The following PDE3B variants were observed in gnomAD, a reference collection of about 807,000 sequenced individuals.
The protein encoded by PDE3B is cGMP-inhibited 3',5'-cyclic phosphodiesterase 3B.
Under a neutral mutation model 116.8 loss-of-function variants are expected in PDE3B, and 66 were observed. The observed-to-expected ratio is 0.56, with a 90% CI of 0.46 to 0.69. PDE3B has a LOEUF of 0.69. Ranked by LOEUF, PDE3B falls within the 30% of genes least tolerant of loss-of-function variation. PDE3B has a pLI of 0.00. For missense variants in PDE3B, 1,384 were observed against 1,368.1 expected, an observed-to-expected ratio of 1.01 and a Z score of -0.18; for synonymous variants, 595 against 533.6, an observed-to-expected ratio of 1.12 and a Z score of -1.59.
At chr11:14,708,493 C>T (rs767396378) in intron 1 of PDE3B, among the ~76,000 whole-genome samples, 6 of 152,020 alleles carry the variant, frequency 3.9e-5, no homozygotes, top group Non-Finnish European at 8.8e-5. Context: ...ATGGGGACAG[C>T]TTAGAGTCTC....
At chr11:14,883,573 T>C in the PDE3B span, among the ~76,000 whole-genome samples, 2 of 151,846 alleles carry the variant, frequency 1.3e-5, no homozygotes, top group Non-Finnish European at 2.9e-5. Flanking sequence ...CCTAAAACCA[T>C]AAAAACCCTA....
At chr11:14,880,407 A>T in the PDE3B span, 1 of 1,613,436 alleles carries the variant, frequency 6.2e-7, no homozygotes, top group Non-Finnish European at 8.5e-7. Flanking sequence ...ACAGCTGTTG[A>T]TGTTTTCCAA....
At chr11:14,727,163 A>G (rs930856829) in intron 1 of PDE3B, among the ~76,000 whole-genome samples, 3 of 152,182 alleles carry the variant, frequency 2.0e-5, no homozygotes, top group Admixed American at 6.5e-5. Flanking sequence ...ACTCTTCAGT[A>G]AATTAAGCCT....
At position 14,835,005 on chromosome 11, in the gene PDE3B, G is replaced by C. The variant is rs760668695; in HGVS notation, c.2230G>C (p.Asp744His). Reference sequence around the variant, plus strand: ...AGATCACAATCGTATACATGCCACAGATGTGCTACATGCAGTTTGGTATCT... The same window carrying C: ...AGATCACAATCGTATACATGCCACACATGTGCTACATGCAGTTTGGTATCT... ...IPYHNRIHATDVLHAVWYLTT... is the reference protein window; with the variant it reads ...IPYHNRIHATHVLHAVWYLTT... The change falls in exon 11 of 16, where the codon GAT (aspartate) becomes CAT (histidine). Residue 744 changes from aspartate to histidine, a missense_variant. Transcript: ENST00000282096. The C allele has an allele frequency of 6.2e-7, 1 of 1,612,242 alleles. No homozygotes were observed. The highest frequency in any genetic ancestry group is 8.5e-7 in the Non-Finnish European group (1 of 1,178,746).
intron 12 of PDE3B, among the ~76,000 whole-genome samples, chr11:14,845,417 TA>T (rs1391633547): frequency 1.3e-5 from 2 of 152,070 alleles, no homozygotes; most frequent in Non-Finnish European, 2.9e-5. Flanking sequence ...CTGGAAACTC[TA>T]AAAAGCAGAA....
chr11:14,896,631 A>G, the PDE3B span, among the ~76,000 whole-genome samples: 4 of 152,228 alleles, frequency 2.6e-5, no homozygotes, highest in African/African-American at 9.6e-5. Flanking sequence ...TGTAGTCTGC[A>G]CCAAACAACC....
intron 13 of PDE3B, among the ~76,000 whole-genome samples, chr11:14,860,614 C>G (rs1847931200): frequency 6.6e-6 from 1 of 151,980 alleles, no homozygotes; most frequent in Non-Finnish European, 1.5e-5. Flanking sequence ...ACTACTTTTC[C>G]TACTTCATAG....
the PDE3B span, chr11:14,880,883 A>G: frequency 6.3e-6 from 6 of 953,404 alleles, no homozygotes; most frequent in Non-Finnish European, 9.2e-6. Context: ...TTGTCCTCCT[A>G]TATAACTACA....
the PDE3B span, chr11:14,877,839 TC>T: frequency 5.7e-6 from 2 of 350,358 alleles, no homozygotes; most frequent in Non-Finnish European, 1.0e-5. Context: ...AACAAGATGC[TC>T]AGCTTAGGGC....
At chr11:14,686,860 C>T (rs774407677) in intron 1 of PDE3B, among the ~76,000 whole-genome samples, 26 of 151,990 alleles carry the variant, frequency 1.7e-4, no homozygotes, top group Non-Finnish European at 3.5e-4. Flanking sequence ...ACTACAGGCG[C>T]CCGCCACCAT....
intron 1 of PDE3B, among the ~76,000 whole-genome samples, chr11:14,734,665 C>A (rs953322475): frequency 4.6e-5 from 7 of 152,012 alleles, no homozygotes; most frequent in East Asian, 3.8e-4. Context: ...TCATATAATT[C>A]TATTCTTTTA....
chr11:14,658,557 A>G (rs1270091931), intron 1 of PDE3B, among the ~76,000 whole-genome samples: 1 of 152,162 alleles, frequency 6.6e-6, no homozygotes, highest in Non-Finnish European at 1.5e-5. Flanking sequence ...GGGTTTTGCC[A>G]TGTTGGCCAG....
chr11:14,675,070 T>G (rs1282208802), intron 1 of PDE3B, among the ~76,000 whole-genome samples: 1 of 152,232 alleles, frequency 6.6e-6, no homozygotes, highest in Non-Finnish European at 1.5e-5. Flanking sequence ...CTTATTGCTT[T>G]TAATGTATAT....
chr11:14,826,140 A>G (rs1344924224), intron 7 of PDE3B, among the ~76,000 whole-genome samples: 1 of 152,210 alleles, frequency 6.6e-6, no homozygotes, highest in Non-Finnish European at 1.5e-5. Flanking sequence ...GGAAATTTAT[A>G]GCACTAAGCA....
intron 2 of PDE3B, among the ~76,000 whole-genome samples, chr11:14,784,002 C>T (rs1195556495): frequency 6.6e-6 from 1 of 152,174 alleles, no homozygotes; most frequent in African/African-American, 2.4e-5. Context: ...ATTAGATTCT[C>T]ATAGGAGCAC....
At chr11:14,710,709 AAGAG>A (rs1395554178) in intron 1 of PDE3B, among the ~76,000 whole-genome samples, 4 of 152,270 alleles carry the variant, frequency 2.6e-5, no homozygotes, top group Admixed American at 2.0e-4. Context: ...GAGGGCGAAA[AAGAG>A]AGGGAGGAGA....
At chr11:14,866,491 T>TA (rs1491206309) in intron 14 of PDE3B, among the ~76,000 whole-genome samples, 1 of 152,232 alleles carries the variant, frequency 6.6e-6, no homozygotes, top group Non-Finnish European at 1.5e-5. Context: ...ACTCCTGGGT[T>TA]ATATCTGTGA....
At chr11:14,779,600 T>A (rs1223496047) in intron 2 of PDE3B, among the ~76,000 whole-genome samples, 2 of 152,096 alleles carry the variant, frequency 1.3e-5, no homozygotes, top group African/African-American at 2.4e-5. Flanking sequence ...ATAAAATCCT[T>A]TACAGACAAG....
intron 1 of PDE3B, among the ~76,000 whole-genome samples, chr11:14,760,136 G>A (rs1348767661): frequency 1.3e-5 from 2 of 152,156 alleles, no homozygotes; most frequent in African/African-American, 2.4e-5. Context: ...TGCCCTGTAA[G>A]TCTGGGCAAG....
Sources: gnomAD v4.1 joint callset for allele counts (sites outside exome capture counted in the v4.1 genomes callset) on GRCh38, gnomAD v4.1.1 for gene constraint, MANE v1.5 for transcripts, NCBI Gene and HGNC (gene_info 2026-07-23, HGNC 2026-07-21) for gene names.